Variants in ARHGAP22 observed in about 807,000 individuals in gnomAD.
The protein encoded by ARHGAP22 is rho GTPase-activating protein 22.
A neutral mutation model predicts 59.1 loss-of-function variants in ARHGAP22; 48 were observed. That is an observed-to-expected ratio of 0.81 (90% CI 0.64 to 1.03). ARHGAP22 has a LOEUF of 1.03. ARHGAP22 is among the 50% of genes least tolerant of loss of function. The probability of loss-of-function intolerance (pLI) is 0.00; values close to 1 mark genes in which losing one functional copy is unlikely to be tolerated. For missense variants in ARHGAP22, 1,015 were observed against 958.7 expected, an observed-to-expected ratio of 1.06 and a Z score of -0.78; for synonymous variants, 445 against 416.4, an observed-to-expected ratio of 1.07 and a Z score of -0.84.
At chr10:48,502,861 G>A (rs2051667849) in intron 3 of ARHGAP22, among the ~76,000 whole-genome samples, 1 of 152,234 alleles carries the variant, frequency 6.6e-6, no homozygotes, top group South Asian at 2.1e-4. Context: ...CTCAGAGAGT[G>A]GCCCGGTAGC....
intron 3 of ARHGAP22, among the ~76,000 whole-genome samples, chr10:48,490,630 G>A (rs892919718): frequency 2.0e-5 from 3 of 152,128 alleles, no homozygotes; most frequent in East Asian, 1.9e-4. Context: ...TTCCCACTTC[G>A]GTGGCCACAG....
chr10:48,542,493 C>A (rs2056053767), intron 3 of ARHGAP22, among the ~76,000 whole-genome samples: 2 of 152,202 alleles, frequency 1.3e-5, no homozygotes, highest in Non-Finnish European at 2.9e-5. Context: ...GTCCTGCCTC[C>A]TGCTGCCTCT....
chr10:48,651,698 A>T (rs773971840), intron 1 of ARHGAP22, among the ~76,000 whole-genome samples: 1 of 152,162 alleles, frequency 6.6e-6, no homozygotes, highest in Non-Finnish European at 1.5e-5. Flanking sequence ...ACAAACAGTC[A>T]TCCCACTTGG....
chr10:48,654,008 T>G (rs1259433095), upstream of ARHGAP22, among the ~76,000 whole-genome samples: 1 of 152,244 alleles, frequency 6.6e-6, no homozygotes, highest in Non-Finnish European at 1.5e-5. Flanking sequence ...AACGTATACC[T>G]TCTGAATATC....
chr10:48,596,462 C>T (rs1014132921), intron 1 of ARHGAP22, among the ~76,000 whole-genome samples: 5 of 151,642 alleles, frequency 3.3e-5, no homozygotes, highest in South Asian at 4.2e-4. Context: ...GGCAGGGAGC[C>T]GGGGTGAGGT....
Position 48,462,866 on chromosome 10 carries a change from C to G in ARHGAP22, c.452-2975G>C, listed in dbSNP as rs534058422. ...AGTCCGAGGAGGCTCCAGGGCCCACCACTGACAGCGTCCTGGCCTTTCCAC... is the reference window on the plus strand; with the variant it reads ...AGTCCGAGGAGGCTCCAGGGCCCACGACTGACAGCGTCCTGGCCTTTCCAC... On this transcript the variant is annotated intron_variant, in intron 4 of 9. Transcript: ENST00000249601. 8.9e-4 allele frequency among the ~76,000 whole-genome samples: 136 copies of G among 152,324 alleles called. 1 individual carries two copies. The highest frequency in any genetic ancestry group is 3.1e-3 in the African/African-American group (130 of 41,574).
At chr10:48,479,614 G>A in intron 4 of ARHGAP22, 22 bp downstream of exon 4, 3 of 1,613,828 alleles carry the variant, frequency 1.9e-6, no homozygotes, top group Non-Finnish European at 2.5e-6. Context: ...TAGAGGGTGG[G>A]CATGCGATCT....
At chr10:48,451,722 C>T in intron 8 of ARHGAP22, 1 of 612,176 alleles carries the variant, frequency 1.6e-6, no homozygotes, top group Non-Finnish European at 2.9e-6. Flanking sequence ...GTCCCACACA[C>T]ACACACAACT....
chr10:48,451,100 G>A lies in ARHGAP22; in HGVS notation c.1029C>T (p.Arg343=), dbSNP rs1418576282. 1 of 1,553,398 alleles carries A rather than the reference G, an allele frequency of 6.4e-7. No homozygotes were observed. Residue 343 remains arginine (R), a synonymous_variant, in exon 9 of 10, where the codon CGC becomes CGT. Transcript: ENST00000249601. The part of the protein sequence containing the change: ...LVQHLMTVLI[R]KHSQLFTAPV... ...GTGCCGTGAAGAGCTGGCTGTGTTT[G>A]CGGATGAGGACGGTCATCAGGTGCT...
intron 1 of ARHGAP22, among the ~76,000 whole-genome samples, chr10:48,589,383 C>T (rs2059620317): frequency 6.6e-6 from 1 of 152,136 alleles, no homozygotes; most frequent in South Asian, 2.1e-4. Context: ...CCTGCTGTTG[C>T]CCAGGGTTGT....
At chr10:48,628,281 A>T (rs2061515889) in intron 1 of ARHGAP22, among the ~76,000 whole-genome samples, 1 of 152,216 alleles carries the variant, frequency 6.6e-6, no homozygotes, top group Non-Finnish European at 1.5e-5. Context: ...AGCAGTTAAC[A>T]TTTGCTGAGC....
intron 3 of ARHGAP22, among the ~76,000 whole-genome samples, chr10:48,489,629 C>T (rs17010537): frequency 0.033 from 5,081 of 151,800 alleles, 206 homozygotes; most frequent in African/African-American, 0.099. Context: ...AGATGAGTGT[C>T]TATTATCACA....
chr10:48,631,707 G>A (rs912939648), intron 1 of ARHGAP22, among the ~76,000 whole-genome samples: 15 of 152,146 alleles, frequency 9.9e-5, no homozygotes, highest in African/African-American at 3.1e-4. Flanking sequence ...GGTTATCTAC[G>A]TGTTATAATC....
chr10:48,623,397 G>A (rs1266438346), intron 1 of ARHGAP22, among the ~76,000 whole-genome samples: 3 of 152,186 alleles, frequency 2.0e-5, no homozygotes, highest in African/African-American at 7.2e-5. Context: ...GTCGAGAAAA[G>A]ATTTCATCCT....
chr10:48,525,105 A>G (rs1225815182), intron 3 of ARHGAP22, among the ~76,000 whole-genome samples: 5 of 152,222 alleles, frequency 3.3e-5, no homozygotes, highest in African/African-American at 7.2e-5. Context: ...GGAAGGTAAC[A>G]TGGAAGCTGC....
Position 48,450,748 on chromosome 10 carries a change from G to T in ARHGAP22, c.1381C>A (p.Leu461Ile). 3.2e-6 allele frequency: 5 copies of T among 1,558,608 alleles called. No homozygotes were observed. In the African/African-American group the frequency reaches 5.4e-5, roughly 17 times the overall value. The change falls in exon 9 of 10, where the codon CTT becomes ATT. Residue 461 changes from leucine (L) to isoleucine (I), a missense_variant. Coordinates refer to ENST00000249601, the MANE Select transcript of ARHGAP22 (RefSeq NM_021226.4). Reference protein sequence around the residue: ...VPIISSGGNWLMNGLSSLRGH... With the variant: ...VPIISSGGNWIMNGLSSLRGH... ...CGCAGGGAGGACAGCCCGTTCATAA[G>T]CCAGTTCCCGCCGGAGGAGATGATG... is the stretch of plus-strand genomic sequence containing the variant.
intron 1 of ARHGAP22, among the ~76,000 whole-genome samples, chr10:48,649,523 C>T (rs1192074751): frequency 1.3e-5 from 2 of 152,238 alleles, no homozygotes; most frequent in Non-Finnish European, 2.9e-5. Flanking sequence ...CACCGTCTTT[C>T]TCTCCACTGT....
chr10:48,431,791 T>G, the ARHGAP22 span, among the ~76,000 whole-genome samples: 3 of 152,184 alleles, frequency 2.0e-5, no homozygotes, highest in African/African-American at 7.2e-5. Flanking sequence ...TAAGCTGATC[T>G]TATATTTAAT....
chr10:48,581,319 T>A (rs946264878), intron 2 of ARHGAP22, among the ~76,000 whole-genome samples: 16 of 152,238 alleles, frequency 1.1e-4, no homozygotes, highest in Non-Finnish European at 5.9e-5. Context: ...GGAACACACC[T>A]TCACCTTTTG....
Sources: gnomAD v4.1 joint callset for allele counts (sites outside exome capture counted in the v4.1 genomes callset) on GRCh38, gnomAD v4.1.1 for gene constraint, MANE v1.5 for transcripts, NCBI Gene and HGNC (gene_info 2026-07-23, HGNC 2026-07-21) for gene names.